Variants in JPH3 observed in about 807,000 individuals in gnomAD.
JPH3 encodes the protein junctophilin 3.
JPH3 carries 11 observed loss-of-function variants against 59.6 expected under a neutral mutation model. That is an observed-to-expected ratio of 0.18 (90% confidence interval 0.12 to 0.31). The LOEUF is 0.31. Ranked by LOEUF, JPH3 falls within the 10% of genes least tolerant of loss-of-function variation. JPH3 has a pLI of 1.00. For synonymous variants in JPH3, 673 were observed against 483.6 expected (o/e 1.39, Z -5.14); for missense variants, 1,202 against 1,105.7 (o/e 1.09, Z -1.24).
chr16:87,697,369 A>G lies in JPH3; in HGVS notation c.*709A>G, dbSNP rs1597311556. Reference sequence around the variant, plus strand: ...AGCCCTTTTCTTCTGCTGCCCACTCACTGTGGGTCCCATTCGGCTGTTTCC... The same window carrying G: ...AGCCCTTTTCTTCTGCTGCCCACTCGCTGTGGGTCCCATTCGGCTGTTTCC... On this transcript the variant is annotated 3_prime_UTR_variant, in exon 5 of 5. Coordinates refer to ENST00000284262, the MANE Select transcript of JPH3 (RefSeq NM_020655.4). 6.6e-6 allele frequency: 1 copy of G among 152,202 alleles called. No individual in the cohort carries two copies. Among genetic ancestry groups the G allele is most frequent in the Non-Finnish European group, 1.5e-5 (1 of 68,128 alleles). 9.4% of individuals were successfully genotyped at this position (152,202 alleles called of 1,614,324 possible).
chr16:87,683,366 G>A (rs1330267479), intron 2 of JPH3, among the ~76,000 whole-genome samples: 7 of 151,634 alleles, frequency 4.6e-5, no homozygotes, highest in African/African-American at 7.3e-5. Context: ...GTGCAATGGC[G>A]TGATCTCCGC....
intron 1 of JPH3, among the ~76,000 whole-genome samples, chr16:87,629,863 G>A (rs1156549759): frequency 2.0e-5 from 3 of 152,042 alleles, no homozygotes; most frequent in Non-Finnish European, 4.4e-5. Context: ...CATCAATTGC[G>A]ACAGATGTAC....
intron 2 of JPH3, 28 bp from the exon 3 acceptor site, chr16:87,684,114 C>T (rs199528594): frequency 1.7e-5 from 27 of 1,593,526 alleles, no homozygotes; most frequent in South Asian, 1.2e-4. Context: ...CCCCTGCCCC[C>T]CCTCACGCTC....
chr16:87,661,415 C>T (rs57093216), intron 2 of JPH3, among the ~76,000 whole-genome samples: 1 of 151,908 alleles, frequency 6.6e-6, no homozygotes, highest in South Asian at 2.1e-4. Flanking sequence ...CCACGCTCTC[C>T]TCTGGGCCTG....
intron 2 of JPH3, among the ~76,000 whole-genome samples, chr16:87,674,226 C>T (rs1023894844): frequency 6.6e-6 from 1 of 151,790 alleles, no homozygotes; most frequent in Non-Finnish European, 1.5e-5. Context: ...CCCAGCTACT[C>T]GGGAGTGTGA....
At chr16:87,674,509 A>C (rs2033097587) in intron 2 of JPH3, among the ~76,000 whole-genome samples, 1 of 152,354 alleles carries the variant, frequency 6.6e-6, no homozygotes, top group East Asian at 1.9e-4. Context: ...AGGGACACCC[A>C]TGACAGAGTA....
chr16:87,658,073 C>T (rs956980671), intron 2 of JPH3, among the ~76,000 whole-genome samples: 2 of 152,176 alleles, frequency 1.3e-5, no homozygotes, highest in African/African-American at 4.8e-5. Flanking sequence ...GGTCTCCTAC[C>T]CCGGAAGGCA....
chr16:87,669,161 G>A (rs1484661996), intron 2 of JPH3, among the ~76,000 whole-genome samples: 1 of 152,174 alleles, frequency 6.6e-6, no homozygotes, highest in Admixed American at 6.5e-5. Flanking sequence ...TGCAGGGGAG[G>A]TGCAGGCATT....
At chr16:87,665,871 C>G (rs1321235487) in intron 2 of JPH3, among the ~76,000 whole-genome samples, 1 of 152,230 alleles carries the variant, frequency 6.6e-6, no homozygotes, top group South Asian at 2.1e-4. Flanking sequence ...CCCTGGGACA[C>G]AGCCCTGTCC....
At position 87,603,348 on chromosome 16, in the gene JPH3, G is replaced by A; in HGVS notation, c.202G>A (p.Gly68Ser). ...GNTYQGTWAQ[G>S]KRHGIGLESK... The stretch of plus-strand genomic sequence containing the variant: ...CACGTACCAGGGCACCTGGGCGCAG[G>A]GCAAGCGCCACGGCATCGGCCTGGA... Residue 68 changes from glycine to serine, a missense_variant, in exon 1 of 5, where the codon GGC becomes AGC. Physicochemically the swap from Gly to Ser is moderately conservative, Grantham distance 56. Transcript: ENST00000284262. 1 of 1,612,784 alleles carries A rather than the reference G, an allele frequency of 6.2e-7. No individual in the cohort carries two copies. The highest frequency in any genetic ancestry group is 8.5e-7 in the Non-Finnish European group (1 of 1,179,550).
chr16:87,668,506 G>A (rs547502029), intron 2 of JPH3, among the ~76,000 whole-genome samples: 7 of 152,036 alleles, frequency 4.6e-5, no homozygotes, highest in South Asian at 4.2e-4. Context: ...GGCGTGGCCC[G>A]TCACACTCAT....
At chr16:87,649,541 T>G (rs747340064) in intron 2 of JPH3, among the ~76,000 whole-genome samples, 4 of 152,184 alleles carry the variant, frequency 2.6e-5, no homozygotes, top group Non-Finnish European at 5.9e-5. Flanking sequence ...GGAATGTAAA[T>G]GTGTCACCCA....
chr16:87,617,586 G>T (rs952098128), intron 1 of JPH3, among the ~76,000 whole-genome samples: 3 of 150,658 alleles, frequency 2.0e-5, no homozygotes, highest in Non-Finnish European at 3.0e-5. Flanking sequence ...CTAGGGAGGG[G>T]TGCCTGTGTC....
chr16:87,644,730 C>T lies in JPH3; in HGVS notation c.855C>T (p.Thr285=), dbSNP rs112449440. Residue 285 remains threonine, a synonymous_variant, in exon 2 of 5, where the codon ACC becomes ACT. Transcript: ENST00000284262. The part of the protein sequence containing the change: ...VIEDDIDATT[T]ETYVGEWKND... ...AGGACGACATCGACGCCACCACCAC[C>T]GAGACCTACGTGGGCGAGTGGAAGA... 68 of 1,612,638 alleles carry T rather than the reference C, an allele frequency of 4.2e-5. No homozygotes were observed. Among genetic ancestry groups the T allele is most frequent in the Admixed American group, 1.2e-4 (7 of 60,000 alleles).
At chr16:87,692,253 T>G (rs1262771343) in intron 4 of JPH3, among the ~76,000 whole-genome samples, 1 of 131,514 alleles carries the variant, frequency 7.6e-6, no homozygotes, top group African/African-American at 2.8e-5. Context: ...CTGTGTTTTC[T>G]GCCAGGTCTG....
intron 1 of JPH3, among the ~76,000 whole-genome samples, chr16:87,606,201 G>C (rs554072757): frequency 1.1e-3 from 161 of 152,320 alleles, no homozygotes; most frequent in African/African-American, 3.6e-3. Flanking sequence ...GGAGTTAATG[G>C]CCCCAGCTCC....
intron 1 of JPH3, chr16:87,604,007 G>T: frequency 1.1e-6 from 1 of 884,240 alleles, no homozygotes; most frequent in Non-Finnish European, 1.4e-6. Context: ...ATCTGCCCAA[G>T]CCGAGAGAAA....
At chr16:87,672,000 C>A (rs986765781) in intron 2 of JPH3, among the ~76,000 whole-genome samples, 1 of 152,160 alleles carries the variant, frequency 6.6e-6, no homozygotes, top group African/African-American at 2.4e-5. Flanking sequence ...TGACGGGGTA[C>A]GTGCTGCGTT....
intron 1 of JPH3, among the ~76,000 whole-genome samples, chr16:87,616,325 C>T (rs1217562608): frequency 1.3e-5 from 2 of 151,084 alleles, no homozygotes; most frequent in Admixed American, 1.3e-4. Context: ...GCTCCACCTC[C>T]TGGGTTCACG....
Sources: gnomAD v4.1 joint callset for allele counts (sites outside exome capture counted in the v4.1 genomes callset) on GRCh38, gnomAD v4.1.1 for gene constraint, MANE v1.5 for transcripts, NCBI Gene and HGNC (gene_info 2026-07-23, HGNC 2026-07-21) for gene names.